The following VMAC variants were observed in gnomAD, a reference collection of about 807,000 sequenced individuals.
VMAC encodes the protein vimentin type intermediate filament associated coiled-coil protein, also known as vimentin-type intermediate filament-associated coiled-coil protein.
In VMAC, 8 loss-of-function variants were observed where a neutral mutation model predicts 4.8. The observed-to-expected ratio is 1.68, with a 90% CI of 0.99 to 3.03. The LOEUF is 3.03. Among genes scored for constraint, VMAC ranks in the 30% most tolerant of loss-of-function variants. VMAC has a pLI of 0.00. For synonymous variants in VMAC, 96 were observed against 113.7 expected (o/e 0.84, Z 0.99); for missense variants, 248 against 245.1 (o/e 1.01, Z -0.08).
At position 5,904,934 on chromosome 19, in the gene VMAC, A is replaced by G; in HGVS notation, c.44A>G (p.His15Arg). The G allele has an allele frequency of 6.7e-7, 1 of 1,490,202 alleles. No homozygotes were observed. Among genetic ancestry groups the G allele is most frequent in the Non-Finnish European group, 8.8e-7 (1 of 1,130,354 alleles). The allele number at this position is 1,490,202 out of a possible 1,614,324, so 92.3% of individuals were successfully genotyped here. A position where few individuals can be genotyped will look rare whatever the true frequency, so the allele number is the denominator to read the frequency against. Residue 15 changes from histidine to arginine, a missense_variant, in exon 1 of 2, where the codon CAC (histidine) becomes CGC (arginine). Coordinates refer to ENST00000339485, the MANE Select transcript of VMAC (RefSeq NM_001017921.4). ...PALQIREANA[H>R]LAAVHRRAAE... ...CTGCAGATCCGGGAGGCAAACGCAC[A>G]CCTGGCAGCCGTGCACCGGCGCGCA...
chr19:5,907,608 A>G (rs1366969885), intron 1 of VMAC, among the ~76,000 whole-genome samples: 1 of 119,678 alleles, frequency 8.4e-6, no homozygotes, highest in East Asian at 2.3e-4. Flanking sequence ...CCCTGTCTCT[A>G]CTAAAAAAAA....
At chr19:5,906,822 C>T (rs111584313) in intron 1 of VMAC, among the ~76,000 whole-genome samples, 3 of 152,072 alleles carry the variant, frequency 2.0e-5, no homozygotes, top group Admixed American at 6.5e-5. Context: ...GTCAGGAGTT[C>T]GAGACCAGCC....
At chr19:5,906,860 A>T (rs1264595910) in intron 1 of VMAC, among the ~76,000 whole-genome samples, 1 of 152,114 alleles carries the variant, frequency 6.6e-6, no homozygotes, top group African/African-American at 2.4e-5. Flanking sequence ...CCCTGTCTCT[A>T]CTAAAAATAC....
At position 5,909,054 on chromosome 19, in the gene VMAC, G is replaced by T; in HGVS notation, c.422G>T (p.Gly141Val). ...PASDPGHPPPGGPGPPLDNST... is the reference protein window; with the variant it reads ...PASDPGHPPPVGPGPPLDNST... ...AGTGACCCCGGCCACCCACCCCCCG[G>T]TGGGCCTGGTCCACCCCTTGACAAC... Residue 141 changes from glycine (G) to valine (V), a missense_variant, in exon 2 of 2, where the codon GGT (glycine) becomes GTT (valine). By Grantham distance (109) the Gly-to-Val change is moderately radical. Coordinates refer to ENST00000339485, the MANE Select transcript of VMAC (RefSeq NM_001017921.4). The T allele has an allele frequency of 6.4e-7, 1 of 1,563,844 alleles. No individual in the cohort carries two copies. Among genetic ancestry groups the T allele is most frequent in the East Asian group, 2.4e-5 (1 of 42,084 alleles).
intron 1 of VMAC, among the ~76,000 whole-genome samples, chr19:5,907,617 A>AAAAAAAAAAAAAAAAAAAAAAAAAAAC (rs2057683418): frequency 7.6e-6 from 1 of 132,432 alleles, no homozygotes; most frequent in Non-Finnish European, 1.6e-5. Flanking sequence ...TACTAAAAAA[A>AAAAAAAAAAAAAAAAAAAAAAAAAAAC]AAAAAAAAAA....
intron 1 of VMAC, among the ~76,000 whole-genome samples, chr19:5,907,565 G>T (rs1342100526): frequency 7.8e-6 from 1 of 127,566 alleles, no homozygotes; most frequent in Admixed American, 9.4e-5. Flanking sequence ...CTGAGGTCAA[G>T]AATTTGAGAC....
In VMAC at chr19:5,909,968, G is replaced by A. The variant is rs532442622; in HGVS notation, c.*826G>A. 1 of 150,548 alleles carries A rather than the reference G, an allele frequency of 6.6e-6. No individual in the cohort carries two copies. The highest frequency in any genetic ancestry group is 2.1e-4 in the South Asian group (1 of 4,704). The allele number at this position is 150,548 out of a possible 1,614,324, so 9.3% of individuals were successfully genotyped here. On this transcript the variant is annotated 3_prime_UTR_variant, in exon 2 of 2. Transcript: ENST00000339485. ...CCTTTCTGGGCCAGCCTGTCACCCTGGCCTGGTCGGCAGCCATTCCCCTAC... is the reference window on the plus strand; with the variant it reads ...CCTTTCTGGGCCAGCCTGTCACCCTAGCCTGGTCGGCAGCCATTCCCCTAC...
At position 5,910,821 on chromosome 19, in the gene VMAC, CT is replaced by C. The variant is rs11332576; in HGVS notation, c.*1689del. The stretch of plus-strand genomic sequence containing the variant: ...GAAATTCTGTTTTCTTTCTTTCTTT[CT>C]TTTTTTTTTAAAGAGACAAAGTCTC... On this transcript the variant is annotated 3_prime_UTR_variant, in exon 2 of 2. Coordinates refer to ENST00000339485, the MANE Select transcript of VMAC (RefSeq NM_001017921.4). The C allele has an allele frequency of 0.46, 66,055 of 142,970 alleles. 16,986 individuals are homozygous for C. Among genetic ancestry groups the C allele is most frequent in the East Asian group, 0.68 (3,478 of 5,118 alleles). 8.9% of individuals were successfully genotyped at this position (142,970 alleles called of 1,614,324 possible).
In VMAC at chr19:5,908,624, AT is replaced by A. The variant is rs1001028204; in HGVS notation, c.192-199del. Among the ~76,000 whole-genome samples, 11 of 129,868 alleles carry A rather than the reference AT, an allele frequency of 8.5e-5. No individual in the cohort carries two copies. Among genetic ancestry groups the A allele is most frequent in the East Asian group, 6.9e-4 (3 of 4,322 alleles). 85.2% of individuals were successfully genotyped at this position (129,868 alleles called of 152,430 possible). A position where few individuals can be genotyped will look rare whatever the true frequency, so the allele number is the denominator to read the frequency against. On this transcript the variant is annotated intron_variant, in intron 1 of 1. Coordinates refer to ENST00000339485, the MANE Select transcript of VMAC (RefSeq NM_001017921.4). This position sits in a 1 kb window ranked among gnomAD's most constrained non-coding sequence, Gnocchi z 4.5. ...GAGCTAGACTTCGTCTCAAAAAAAA[AT>A]AATAATAAAATAAAATATAATAATA... is the stretch of plus-strand genomic sequence containing the variant.
intron 1 of VMAC, among the ~76,000 whole-genome samples, chr19:5,907,194 G>C (rs2057681578): frequency 1.3e-5 from 2 of 152,116 alleles, no homozygotes; most frequent in South Asian, 4.1e-4. Flanking sequence ...TGTCCTCACA[G>C]GGCAGAGAGA....
In VMAC at chr19:5,909,333, T is replaced by C; in HGVS notation, c.*191T>C. 1 of 561,276 alleles carries C rather than the reference T, an allele frequency of 1.8e-6. No individual in the cohort carries two copies. Among genetic ancestry groups the C allele is most frequent in the Non-Finnish European group, 3.0e-6 (1 of 333,738 alleles). The allele number at this position is 561,276 out of a possible 1,614,324, so 34.8% of individuals were successfully genotyped here. ...TGCAGACGTTTAACCCAGACAGAAG[T>C]GTTCTTGTTTGTTTTTAAGCTTTGA... On this transcript the variant is annotated 3_prime_UTR_variant, in exon 2 of 2. Transcript: ENST00000339485.
In VMAC at chr19:5,909,006, A is replaced by AGCGCCT; in HGVS notation, c.376_381dup (p.Arg126_Leu127dup). 1 of 1,599,470 alleles carries AGCGCCT rather than the reference A, an allele frequency of 6.3e-7. No individual in the cohort carries two copies. On this transcript the variant is annotated inframe_insertion, in exon 2 of 2. Coordinates refer to ENST00000339485, the MANE Select transcript of VMAC (RefSeq NM_001017921.4). The stretch of plus-strand genomic sequence containing the variant: ...CTGCTGGATGCCCTGGCTGAGGCTG[A>AGCGCCT]GCGCCTGGGGCCCCTGCCGGCCAGT...
chr19:5,906,961 A>T (rs1175639260), intron 1 of VMAC, among the ~76,000 whole-genome samples: 1 of 152,254 alleles, frequency 6.6e-6, no homozygotes, highest in African/African-American at 2.4e-5. Context: ...CAGGAGGCGG[A>T]AGTTGCAGTG....
Position 5,909,339 on chromosome 19 carries a change from T to C in VMAC, c.*197T>C, listed in dbSNP as rs1187794306. The C allele has an allele frequency of 1.8e-6, 1 of 556,888 alleles. No homozygotes were observed. The highest frequency in any genetic ancestry group is 3.0e-6 in the Non-Finnish European group (1 of 330,798). 34.5% of individuals were successfully genotyped at this position (556,888 alleles called of 1,614,324 possible). On this transcript the variant is annotated 3_prime_UTR_variant, in exon 2 of 2. Transcript: ENST00000339485. ...CGTTTAACCCAGACAGAAGTGTTCT[T>C]GTTTGTTTTTAAGCTTTGAATCAGT... is the stretch of plus-strand genomic sequence containing the variant.
Position 5,905,035 on chromosome 19 carries a change from C to T in VMAC, c.145C>T (p.Gln49Ter). ...AQAERLALHD[Q>*]QLRAALDELG... ...AGCCGAGCGCCTGGCCCTCCACGAC[C>T]AGCAGCTGCGCGCCGCCCTAGACGA... The change falls in exon 1 of 2, where the codon CAG (glutamine) becomes TAG (stop). Residue 49 changes from glutamine to a stop codon, truncating the protein, a stop_gained. Coordinates refer to ENST00000339485, the MANE Select transcript of VMAC (RefSeq NM_001017921.4). LOFTEE classifies it low-confidence loss of function (END_TRUNC). 1 of 1,385,080 alleles carries T rather than the reference C, an allele frequency of 7.2e-7. No homozygotes were observed. Among genetic ancestry groups the T allele is most frequent in the Non-Finnish European group, 9.3e-7 (1 of 1,078,162 alleles). The allele number at this position is 1,385,080 out of a possible 1,614,324, so 85.8% of individuals were successfully genotyped here.
chr19:5,905,034 C>T lies in VMAC; in HGVS notation c.144C>T (p.Asp48=), dbSNP rs772300698. 3 of 1,384,768 alleles carry T rather than the reference C, an allele frequency of 2.2e-6. No homozygotes were observed. In the South Asian group the frequency reaches 4.9e-5, roughly 23 times the overall value. 85.8% of individuals were successfully genotyped at this position (1,384,768 alleles called of 1,614,324 possible). ...AAGCCGAGCGCCTGGCCCTCCACGA[C>T]CAGCAGCTGCGCGCCGCCCTAGACG... The part of the protein sequence containing the change: ...HAQAERLALH[D]QQLRAALDEL... The change falls in exon 1 of 2, where the codon GAC becomes GAT. Residue 48 remains aspartate (D), a synonymous_variant. Coordinates refer to ENST00000339485, the MANE Select transcript of VMAC (RefSeq NM_001017921.4).
At position 5,909,157 on chromosome 19, in the gene VMAC, T is replaced by C. The variant is rs1445854604; in HGVS notation, c.*15T>C. 1.3e-6 allele frequency: 2 copies of C among 1,527,914 alleles called. No individual in the cohort carries two copies. Among genetic ancestry groups the C allele is most frequent in the Non-Finnish European group, 1.7e-6 (2 of 1,144,938 alleles). The allele number at this position is 1,527,914 out of a possible 1,614,324, so 94.6% of individuals were successfully genotyped here. A position where few individuals can be genotyped will look rare whatever the true frequency, so the allele number is the denominator to read the frequency against. Reference sequence around the variant, plus strand: ...CCACAGTGTGAGCCCGGAATGCAGATTACAGAATGGAGACAGAAAGCCACT... The same window carrying C: ...CCACAGTGTGAGCCCGGAATGCAGACTACAGAATGGAGACAGAAAGCCACT... On this transcript the variant is annotated 3_prime_UTR_variant, in exon 2 of 2. Coordinates refer to ENST00000339485, the MANE Select transcript of VMAC (RefSeq NM_001017921.4).
chr19:5,907,641 C>CTGGGCA (rs891230741), intron 1 of VMAC, among the ~76,000 whole-genome samples: 14 of 42,268 alleles, frequency 3.3e-4, no homozygotes, highest in Non-Finnish European at 5.8e-4. Context: ...AAAAAATTAG[C>CTGGGCA]TGGGCATGGT....
rs753857375 is a variant in VMAC at position 5,904,890 on chromosome 19, C to T, written c.-1C>T. 32 of 1,475,202 alleles carry T rather than the reference C, an allele frequency of 2.2e-5. No homozygotes were observed. Among genetic ancestry groups the T allele is most frequent in the Middle Eastern group, 4.8e-4 (2 of 4,168 alleles). 91.4% of individuals were successfully genotyped at this position (1,475,202 alleles called of 1,614,324 possible). A position where few individuals can be genotyped will look rare whatever the true frequency, so the allele number is the denominator to read the frequency against. ...GCCGGGCCTGTACAGCAGCCTGGGCCATGTCGGCGCCGCCGGCCCTGCAGA... is the reference window on the plus strand; with the variant it reads ...GCCGGGCCTGTACAGCAGCCTGGGCTATGTCGGCGCCGCCGGCCCTGCAGA... On this transcript the variant is annotated 5_prime_UTR_variant, in exon 1 of 2. Transcript: ENST00000339485.
Sources: gnomAD v4.1 joint callset for allele counts (sites outside exome capture counted in the v4.1 genomes callset) on GRCh38, gnomAD v4.1.1 for gene constraint, Gnocchi (gnomAD v3.1) non-coding constraint, MANE v1.5 for transcripts, NCBI Gene and HGNC (gene_info 2026-07-23, HGNC 2026-07-21) for gene names.